The following ZNF536 variants were observed in gnomAD, a reference collection of about 807,000 sequenced individuals.
ZNF536 encodes zinc finger protein 536.
A neutral mutation model predicts 84.5 loss-of-function variants in ZNF536; 13 were observed. The observed-to-expected ratio is 0.15, with a 90% CI of 0.10 to 0.24. ZNF536 has a LOEUF of 0.24. Among genes scored for constraint, ZNF536 ranks in the 10% least tolerant of loss-of-function variants. The pLI is 1.00. For missense variants in ZNF536, 1,536 were observed against 1,747.5 expected (o/e 0.88, Z 2.16); for synonymous variants, 811 against 742.5 (o/e 1.09, Z -1.50).
intron 2 of ZNF536, among the ~76,000 whole-genome samples, chr19:30,473,483 T>A (rs2053724222): frequency 6.6e-6 from 1 of 152,140 alleles, no homozygotes; most frequent in African/African-American, 2.4e-5. Flanking sequence ...GGGGACCCAC[T>A]TGCAATAAAT....
At chr19:30,324,168 TTCA>T (rs1450186146) in intron 2 of ZNF536, among the ~76,000 whole-genome samples, 2 of 152,122 alleles carry the variant, frequency 1.3e-5, no homozygotes, top group East Asian at 1.9e-4. Flanking sequence ...CACCCATCCA[TTCA>T]TCATCATCCA....
At chr19:30,245,221 T>A (rs577702914) in intron 1 of ZNF536, among the ~76,000 whole-genome samples, 1 of 152,320 alleles carries the variant, frequency 6.6e-6, no homozygotes, top group African/African-American at 2.4e-5. Flanking sequence ...AAGTGGCACA[T>A]CTTCAGGGAG....
At chr19:30,291,464 T>C (rs529562478) in intron 2 of ZNF536, among the ~76,000 whole-genome samples, 2 of 152,366 alleles carry the variant, frequency 1.3e-5, no homozygotes, top group South Asian at 4.1e-4. Flanking sequence ...TTTCATATGT[T>C]TGTTGTCTGT....
downstream of ZNF536, among the ~76,000 whole-genome samples, chr19:30,561,613 T>C (rs1464970810): frequency 6.6e-6 from 1 of 152,078 alleles, no homozygotes; most frequent in Non-Finnish European, 1.5e-5. Flanking sequence ...CATGAGAGGG[T>C]CAGTACTGCA....
intron 1 of ZNF536, among the ~76,000 whole-genome samples, chr19:30,656,838 C>T (rs185795392): frequency 6.6e-6 from 1 of 152,164 alleles, no homozygotes; most frequent in Non-Finnish European, 1.5e-5. Flanking sequence ...TGCACGGGGT[C>T]AGTCTGAACC....
intron 2 of ZNF536, among the ~76,000 whole-genome samples, chr19:30,534,414 A>AT (rs996476546): frequency 1.9e-4 from 29 of 152,112 alleles, no homozygotes; most frequent in Non-Finnish European, 3.1e-4. Context: ...GCTGACACAC[A>AT]TTTTTTTTAA....
At chr19:30,385,268 C>G (rs923155832) in intron 1 of ZNF536, among the ~76,000 whole-genome samples, 1 of 152,010 alleles carries the variant, frequency 6.6e-6, no homozygotes, top group Admixed American at 6.6e-5. Flanking sequence ...GTCTAGCAAC[C>G]GCCCAGAGAC....
intron 3 of ZNF536, among the ~76,000 whole-genome samples, chr19:30,363,109 T>A (rs1424729015): frequency 6.6e-6 from 1 of 151,986 alleles, no homozygotes; most frequent in East Asian, 1.9e-4. Context: ...AGGAAAAACT[T>A]TGACGTGGCT....
chr19:30,462,876 T>G (rs1478947644), intron 2 of ZNF536, among the ~76,000 whole-genome samples: 3 of 143,022 alleles, frequency 2.1e-5, no homozygotes, highest in Non-Finnish European at 4.6e-5. Context: ...GGGATGGGTG[T>G]ATCCATATGT....
intron 2 of ZNF536, among the ~76,000 whole-genome samples, chr19:30,307,249 C>G (rs552859687): frequency 3.4e-4 from 52 of 152,120 alleles, no homozygotes; most frequent in African/African-American, 1.2e-3. Context: ...TACCTCCCCC[C>G]CCTTTTTTGA....
intron 1 of ZNF536, among the ~76,000 whole-genome samples, chr19:30,659,802 C>A (rs1202206042): frequency 6.7e-6 from 1 of 148,470 alleles, no homozygotes; most frequent in East Asian, 1.9e-4. Context: ...ACAGCCAAAC[C>A]ATGTCACTAT....
At chr19:30,610,597 T>C (rs1228479738) in intron 1 of ZNF536, among the ~76,000 whole-genome samples, 1 of 152,210 alleles carries the variant, frequency 6.6e-6, no homozygotes. Flanking sequence ...GAGGAAGAAA[T>C]GGATCTTCAT....
chr19:30,544,203 C>T (rs943461864), intron 3 of ZNF536, among the ~76,000 whole-genome samples: 1 of 152,136 alleles, frequency 6.6e-6, no homozygotes, highest in Admixed American at 6.5e-5. Context: ...AGCCCTTTAG[C>T]GACCCGGCAG....
At chr19:30,692,190 G>A (rs2147916044) in intron 1 of ZNF536, among the ~76,000 whole-genome samples, 1 of 152,374 alleles carries the variant, frequency 6.6e-6, no homozygotes, top group South Asian at 2.1e-4. Flanking sequence ...TAGAAACCCT[G>A]CAGTCTGTCA....
At chr19:30,293,854 G>A (rs2045917217) in intron 2 of ZNF536, among the ~76,000 whole-genome samples, 1 of 152,212 alleles carries the variant, frequency 6.6e-6, no homozygotes, top group South Asian at 2.1e-4. Context: ...TGGAAGAAGG[G>A]GTGAGGGTGG....
At chr19:30,424,937 G>A (rs913069565) in intron 1 of ZNF536, among the ~76,000 whole-genome samples, 1 of 152,156 alleles carries the variant, frequency 6.6e-6, no homozygotes, top group African/African-American at 2.4e-5. Context: ...TTCTGGAAGA[G>A]CCCAAGCCAA....
intron 1 of ZNF536, among the ~76,000 whole-genome samples, chr19:30,660,991 C>T (rs1031600825): frequency 2.6e-5 from 4 of 152,216 alleles, no homozygotes; most frequent in Non-Finnish European, 5.9e-5. Flanking sequence ...AGGCCCCACT[C>T]CAGACGTGAG....
chr19:30,370,916 G>A (rs1444481132), upstream of ZNF536, among the ~76,000 whole-genome samples: 2 of 152,294 alleles, frequency 1.3e-5, no homozygotes, highest in Admixed American at 6.5e-5. Context: ...TGGGTACAAA[G>A]GTAGTATGTT....
At chr19:30,367,996 T>G (rs540206331), upstream of ZNF536, among the ~76,000 whole-genome samples, 1 of 152,346 alleles carries the variant, frequency 6.6e-6, no homozygotes, top group South Asian at 2.1e-4. Flanking sequence ...TCTCCCACCC[T>G]GTGCCTTGGT....
Sources: gnomAD v4.1 joint callset for allele counts (sites outside exome capture counted in the v4.1 genomes callset) on GRCh38, gnomAD v4.1.1 for gene constraint, MANE v1.5 for transcripts, NCBI Gene and HGNC (gene_info 2026-07-23, HGNC 2026-07-21) for gene names.